Variants in CACNA1A observed in about 807,000 individuals in gnomAD.
CACNA1A encodes calcium voltage-gated channel subunit alpha1 A.
CACNA1A carries 57 observed loss-of-function variants against 262.4 expected under a neutral mutation model. The ratio of observed to expected loss-of-function variants is 0.22; its 90% CI spans 0.18 to 0.27. CACNA1A has a LOEUF of 0.27. Among genes scored for constraint, CACNA1A ranks in the 10% least tolerant of loss-of-function variants. The pLI is 1.00. For synonymous variants in CACNA1A, 1,431 were observed against 1,419.3 expected (o/e 1.01, Z -0.18); for missense variants, 2,526 against 3,562.8 (o/e 0.71, Z 7.41).
intron 3 of CACNA1A, among the ~76,000 whole-genome samples, chr19:13,376,016 C>T (rs562238856): frequency 6.6e-6 from 1 of 152,194 alleles, no homozygotes; most frequent in South Asian, 2.1e-4. Context: ...CCACAGCAAG[C>T]CCACAGCAAG....
At chr19:13,352,403 CAAAAAAA>C (rs202072454) in intron 6 of CACNA1A, among the ~76,000 whole-genome samples, 1 of 82,622 alleles carries the variant, frequency 1.2e-5, no homozygotes, top group Admixed American at 1.3e-4. Flanking sequence ...GACTCCATCT[CAAAAAAA>C]AAAAAAAAAA....
chr19:13,405,992 C>G (rs889901455), intron 3 of CACNA1A, among the ~76,000 whole-genome samples: 4 of 152,080 alleles, frequency 2.6e-5, no homozygotes, highest in African/African-American at 9.7e-5. Flanking sequence ...CCTGGATGGT[C>G]TTCCCTCTTT....
chr19:13,487,450 A>G (rs1980155099), intron 1 of CACNA1A, among the ~76,000 whole-genome samples: 1 of 152,078 alleles, frequency 6.6e-6, no homozygotes, highest in Non-Finnish European at 1.5e-5. Flanking sequence ...GAATAGGTCA[A>G]TCTATACAGA....
chr19:13,506,283 CG>C lies in CACNA1A; in HGVS notation c.-60del. 1 of 1,340,686 alleles carries C rather than the reference CG, an allele frequency of 7.5e-7. No individual in the cohort carries two copies. Among genetic ancestry groups the C allele is most frequent in the Non-Finnish European group, 9.6e-7 (1 of 1,041,946 alleles). 83.0% of individuals were successfully genotyped at this position (1,340,686 alleles called of 1,614,324 possible). A position where few individuals can be genotyped will look rare whatever the true frequency, so the allele number is the denominator to read the frequency against. On this transcript the variant is annotated 5_prime_UTR_variant, in exon 1 of 47. The change creates a premature stop within an existing upstream ORF in the 5' untranslated region. Transcript: ENST00000360228. ...CGGCGAACGATGCGGAAGACGCCGC[CG>C]CCGCCGCCGCCGCCGCTGATGCTGA...
intron 6 of CACNA1A, among the ~76,000 whole-genome samples, chr19:13,336,559 G>C (rs993072228): frequency 6.7e-6 from 1 of 149,326 alleles, no homozygotes; most frequent in African/African-American, 2.5e-5. Context: ...AGGAGGTTGG[G>C]GGGTGGAGAG....
chr19:13,381,044 G>A (rs2059515541), intron 3 of CACNA1A, among the ~76,000 whole-genome samples: 2 of 151,994 alleles, frequency 1.3e-5, no homozygotes, highest in Admixed American at 1.3e-4. Flanking sequence ...CCAAAGTGCT[G>A]GTATTTGAGG....
Position 13,386,044 on chromosome 19 carries a change from G to A in CACNA1A, c.540-14265C>T, listed in dbSNP as rs1260830533. Among the ~76,000 whole-genome samples the A allele has an allele frequency of 2.0e-5, 3 of 151,972 alleles. No homozygotes were observed. In the East Asian group the frequency reaches 5.8e-4, roughly 29 times the overall value. ...TGGTGGTACACTCCTCCAGCTGCTC[G>A]TGAGGCTAAGGTGGGCGGATCACCT... On this transcript the variant is annotated intron_variant, in intron 3 of 46. Transcript: ENST00000360228.
At chr19:13,468,505 G>A (rs553014877) in intron 1 of CACNA1A, among the ~76,000 whole-genome samples, 1 of 152,296 alleles carries the variant, frequency 6.6e-6, no homozygotes, top group Non-Finnish European at 1.5e-5. Flanking sequence ...TAAACCTGGA[G>A]GTCAGGCGCA....
At chr19:13,470,849 C>G (rs1289033187) in intron 1 of CACNA1A, among the ~76,000 whole-genome samples, 1 of 152,218 alleles carries the variant, frequency 6.6e-6, no homozygotes, top group Non-Finnish European at 1.5e-5. Flanking sequence ...AGCTATACCA[C>G]TCTGTGTCTT....
chr19:13,376,830 C>CATAAT (rs572403563), intron 3 of CACNA1A, among the ~76,000 whole-genome samples: 1 of 80,272 alleles, frequency 1.2e-5, no homozygotes, highest in South Asian at 2.8e-4. Context: ...ATATATAACA[C>CATAAT]ATGTTATATG....
At chr19:13,407,389 G>C (rs1455344992) in intron 3 of CACNA1A, among the ~76,000 whole-genome samples, 1 of 152,188 alleles carries the variant, frequency 6.6e-6, no homozygotes, top group Non-Finnish European at 1.5e-5. Flanking sequence ...TTTGTCACCT[G>C]ATAACATATC....
At chr19:13,277,031 A>G (rs1217755499) in intron 23 of CACNA1A, 38 bp downstream of exon 23, 2 of 1,506,074 alleles carry the variant, frequency 1.3e-6, no homozygotes, top group Non-Finnish European at 1.8e-6. Context: ...CTTAAAAAAA[A>G]AAATTACCGT....
Position 13,373,047 on chromosome 19 carries a change from A to G in CACNA1A, c.540-1268T>C, listed in dbSNP as rs141892409. ...GTACAGTGCGTGGTCAAGGCACAAT[A>G]CAATAAAAGAGACTGTCATCAGAAC... On this transcript the variant is annotated intron_variant, in intron 3 of 46. Coordinates refer to ENST00000360228, the MANE Select transcript of CACNA1A (RefSeq NM_001127222.2). Among the ~76,000 whole-genome samples the G allele has an allele frequency of 7.2e-5, 11 of 152,370 alleles. 1 individual carries two copies. The highest frequency in any genetic ancestry group is 2.4e-4 in the African/African-American group (10 of 41,594).
intron 10 of CACNA1A, among the ~76,000 whole-genome samples, chr19:13,322,539 A>G (rs998730330): frequency 1.3e-5 from 2 of 151,928 alleles, no homozygotes; most frequent in Admixed American, 1.3e-4. Context: ...TGTTATTAAA[A>G]TGATGTAAAT....
chr19:13,459,902 T>C (rs1043422048), intron 1 of CACNA1A, among the ~76,000 whole-genome samples: 3 of 152,156 alleles, frequency 2.0e-5, no homozygotes. Context: ...CTGGCCAGTG[T>C]TGCCTGGATT....
chr19:13,494,416 A>G (rs568522428), intron 1 of CACNA1A, among the ~76,000 whole-genome samples: 1 of 152,348 alleles, frequency 6.6e-6, no homozygotes, highest in Admixed American at 6.5e-5. Context: ...TGATGCAGGC[A>G]GAGGAAATAG....
chr19:13,497,515 AAAAAAAATATATATATATATATATAT>A lies in CACNA1A; in HGVS notation c.293+8391_293+8416del, dbSNP rs1361056098. ...AAAAAAAAAAAAAAAAAAAAAAAAAAAAAAAAATATATATATATATATATATATATATATATATATATATATATATA... is the reference window on the plus strand; with the variant it reads ...AAAAAAAAAAAAAAAAAAAAAAAAAAATATATATATATATATATATATATA... On this transcript the variant is annotated intron_variant, in intron 1 of 46. Coordinates refer to ENST00000360228, the MANE Select transcript of CACNA1A (RefSeq NM_001127222.2). Among the ~76,000 whole-genome samples the A allele has an allele frequency of 1.3e-3, 50 of 38,032 alleles. 3 individuals carry two copies. Among genetic ancestry groups the A allele is most frequent in the Non-Finnish European group, 1.7e-3 (38 of 22,436 alleles). 25.0% of individuals were successfully genotyped at this position (38,032 alleles called of 152,430 possible). A position where few individuals can be genotyped will look rare whatever the true frequency, so the allele number is the denominator to read the frequency against.
intron 17 of CACNA1A, among the ~76,000 whole-genome samples, chr19:13,301,382 C>T (rs561649747): frequency 2.6e-5 from 4 of 152,192 alleles, no homozygotes; most frequent in African/African-American, 9.7e-5. Context: ...ACAGAAGAGC[C>T]TGGCATCCGA....
rs201393796 is a variant in CACNA1A at position 13,413,903 on chromosome 19, G to GAAAAGAAAAGA, written c.539+38972_539+38973insTCTTTTCTTTT. ...CAAGAAAGAAAGAAAGAAAAAGAAA[G>GAAAAGAAAAGA]AAAGAAAGAAAGAAAGAAAGAAAGA... On this transcript the variant is annotated intron_variant, in intron 3 of 46. Coordinates refer to ENST00000360228, the MANE Select transcript of CACNA1A (RefSeq NM_001127222.2). Among the ~76,000 whole-genome samples the GAAAAGAAAAGA allele has an allele frequency of 5.4e-3, 321 of 59,296 alleles. 8 individuals are homozygous for GAAAAGAAAAGA. The highest frequency in any genetic ancestry group is 0.014 in the African/African-American group (303 of 20,994). 38.9% of individuals were successfully genotyped at this position (59,296 alleles called of 152,430 possible). A position where few individuals can be genotyped will look rare whatever the true frequency, so the allele number is the denominator to read the frequency against.
Sources: gnomAD v4.1 joint callset for allele counts (sites outside exome capture counted in the v4.1 genomes callset) on GRCh38, gnomAD v4.1.1 for gene constraint, MANE v1.5 for transcripts, NCBI Gene and HGNC (gene_info 2026-07-23, HGNC 2026-07-21) for gene names.